CNGA3: variants seen among roughly 807,000 people sequenced by gnomAD.
The protein encoded by CNGA3 is cyclic nucleotide-gated channel alpha-3.
A neutral mutation model predicts 46.6 loss-of-function variants in CNGA3; 42 were observed. The ratio of observed to expected loss-of-function variants is 0.90; its 90% CI spans 0.70 to 1.17. The LOEUF is 1.17. CNGA3 is among the 50% of genes most tolerant of loss of function. CNGA3 has a pLI of 0.00. For synonymous variants in CNGA3, 394 were observed against 369.4 expected (o/e 1.07, Z -0.76); for missense variants, 893 against 890.7 (o/e 1.00, Z -0.03).
chr2:98,385,314 C>A (rs139214434), intron 5 of CNGA3, among the ~76,000 whole-genome samples: 2 of 152,346 alleles, frequency 1.3e-5, no homozygotes, highest in East Asian at 3.9e-4. Flanking sequence ...GGGTTCACAT[C>A]ACCCTGGAGG....
rs1158977487 is a variant in CNGA3 at position 98,353,101 on chromosome 2, A to G, written c.-38+6567A>G. Among the ~76,000 whole-genome samples, 3 of 152,326 alleles carry G rather than the reference A, an allele frequency of 2.0e-5. No homozygotes were observed. In the South Asian group the frequency reaches 6.2e-4, roughly 32 times the overall value. ...ATTACAGGCTGTATTCTTACAATAG[A>G]TTAAGCAAGAAAAAATGGGGTTTTT... On this transcript the variant is annotated intron_variant, in intron 1 of 7. Transcript: ENST00000272602.
intron 3 of CNGA3, among the ~76,000 whole-genome samples, chr2:98,379,597 C>T (rs1692492248): frequency 6.6e-6 from 1 of 152,184 alleles, no homozygotes; most frequent in Admixed American, 6.5e-5. Context: ...GCAAAGGAAC[C>T]TCCCAGGCCT....
Position 98,351,520 on chromosome 2 carries a change from T to C in CNGA3, c.-38+4986T>C, listed in dbSNP as rs533907741. Among the ~76,000 whole-genome samples the C allele has an allele frequency of 7.4e-4, 113 of 152,334 alleles. 1 individual carries two copies. The highest frequency in any genetic ancestry group is 3.4e-3 in the Middle Eastern group (1 of 294). On this transcript the variant is annotated intron_variant, in intron 1 of 7. Coordinates refer to ENST00000272602, the MANE Select transcript of CNGA3 (RefSeq NM_001298.3). ...CATGATTGTGAGGCCTCCCCAGCCA[T>C]GTGGAACTGTAAATCCATTAAACCT...
At chr2:98,392,759 G>T (rs1469088788) in intron 7 of CNGA3, among the ~76,000 whole-genome samples, 1 of 152,138 alleles carries the variant, frequency 6.6e-6, no homozygotes, top group Non-Finnish European at 1.5e-5. Flanking sequence ...GTGGCTTTCA[G>T]AGGACTTTTA....
chr2:98,366,751 T>C (rs1339000216), intron 1 of CNGA3, among the ~76,000 whole-genome samples: 2 of 152,122 alleles, frequency 1.3e-5, no homozygotes, highest in African/African-American at 4.8e-5. Context: ...CAGGGGAAAA[T>C]GGCAGACTGG....
intron 5 of CNGA3, among the ~76,000 whole-genome samples, chr2:98,386,882 C>T (rs887568192): frequency 3.3e-5 from 5 of 152,122 alleles, no homozygotes; most frequent in Admixed American, 2.0e-4. Context: ...CTGGATTCTG[C>T]GTAAGATCCA....
rs779152590 is a variant in CNGA3, at chr2:98,386,756, G to A, written c.450-2902G>A. Among the ~76,000 whole-genome samples, 4 of 152,170 alleles carry A rather than the reference G, an allele frequency of 2.6e-5. 1 individual carries two copies. Among genetic ancestry groups the A allele is most frequent in the Admixed American group, 6.5e-5 (1 of 15,280 alleles). Reference sequence around the variant, plus strand: ...GAGAGTCACAGTGTGAGGGGGACTCGACCCATCACTGCTGGCTTTGAAGAT... The same window carrying A: ...GAGAGTCACAGTGTGAGGGGGACTCAACCCATCACTGCTGGCTTTGAAGAT... On this transcript the variant is annotated intron_variant, in intron 5 of 7. Coordinates refer to ENST00000272602, the MANE Select transcript of CNGA3 (RefSeq NM_001298.3).
intron 5 of CNGA3, among the ~76,000 whole-genome samples, chr2:98,387,316 G>A (rs564459919): frequency 6.6e-6 from 1 of 152,258 alleles, no homozygotes; most frequent in African/African-American, 2.4e-5. Context: ...GGAAGTGTTA[G>A]GTAATTGTGA....
chr2:98,374,072 C>T (rs550269747), intron 2 of CNGA3, among the ~76,000 whole-genome samples: 1 of 152,334 alleles, frequency 6.6e-6, no homozygotes, highest in East Asian at 1.9e-4. Context: ...TATTCCCCAG[C>T]CTTGTGCTGA....
Position 98,383,423 on chromosome 2 carries a change from G to A in CNGA3, c.431G>A (p.Ser144Asn), listed in dbSNP as rs766641662. The A allele has an allele frequency of 3.7e-6, 6 of 1,614,102 alleles. 1 individual carries two copies. In the South Asian group the frequency reaches 5.5e-5, roughly 15 times the overall value. ...CTGGCCAAATGCAACACTAACACCAGCAACAACACGGAGGAGGAGTAAGTA... is the reference window on the plus strand; with the variant it reads ...CTGGCCAAATGCAACACTAACACCAACAACAACACGGAGGAGGAGTAAGTA... The part of the protein sequence containing the change: ...WPLAKCNTNT[S>N]NNTEEEKKTK... Residue 144 changes from serine (S) to asparagine (N), a missense_variant, in exon 5 of 8, where the codon AGC becomes AAC. Physicochemically the swap from Ser to Asn is conservative, Grantham distance 46. Transcript: ENST00000272602.
Position 98,354,085 on chromosome 2 carries a change from G to A in CNGA3, c.-38+7551G>A, listed in dbSNP as rs1028064391. 2.6e-5 allele frequency among the ~76,000 whole-genome samples: 4 copies of A among 152,138 alleles called. No homozygotes were observed. In the East Asian group the frequency reaches 5.8e-4, roughly 22 times the overall value. ...CATAGATCCAAACCATATCACCTAC[G>A]TACAACCTCCTGTGTACTGTACTTT... On this transcript the variant is annotated intron_variant, in intron 1 of 7. Coordinates refer to ENST00000272602, the MANE Select transcript of CNGA3 (RefSeq NM_001298.3).
At chr2:98,348,010 C>T (rs2106064375) in intron 1 of CNGA3, among the ~76,000 whole-genome samples, 1 of 152,314 alleles carries the variant, frequency 6.6e-6, no homozygotes, top group East Asian at 1.9e-4. Flanking sequence ...GTGGTATCCA[C>T]CAACTGGGTC....
At chr2:98,380,055 TGCCCCATC>T in intron 3 of CNGA3, 112 bp from the exon 4 acceptor site, 1 of 1,197,108 alleles carries the variant, frequency 8.4e-7, no homozygotes, top group Admixed American at 1.9e-5. Flanking sequence ...TCATTGCTTC[TGCCCCATC>T]CCTTGAGACA....
rs761112764 is a variant in CNGA3 at position 98,397,109 on chromosome 2, C to T, written c.1939C>T (p.Leu647Phe). The change falls in exon 8 of 8, where the codon CTC becomes TTC. Residue 647 changes from leucine to phenylalanine, a missense_variant. Transcript: ENST00000272602. The part of the protein sequence containing the change: ...LDTLQTRFAR[L>F]LAEYNATQMK... ...CACCCTGCAGACCAGGTTTGCACGC[C>T]TCCTGGCTGAGTACAACGCCACCCA... The T allele has an allele frequency of 1.4e-5, 22 of 1,614,046 alleles. No individual in the cohort carries two copies. Among genetic ancestry groups the T allele is most frequent in the Non-Finnish European group, 1.9e-5 (22 of 1,180,032 alleles).
intron 1 of CNGA3, chr2:98,347,222 C>T (rs1231775861): frequency 6.6e-6 from 1 of 152,082 alleles, no homozygotes; most frequent in Non-Finnish European, 1.5e-5. Flanking sequence ...TTTAGGAGTG[C>T]GCGGTTACTT....
At position 98,377,820 on chromosome 2, in the gene CNGA3, C is replaced by T. The variant is rs1486422666; in HGVS notation, c.215+20C>T. The T allele has an allele frequency of 2.5e-6, 4 of 1,597,938 alleles. No individual in the cohort carries two copies. The highest frequency in any genetic ancestry group is 1.3e-5 in the African/African-American group (1 of 74,766). On this transcript the variant is annotated intron_variant, in intron 3 of 7. Transcript: ENST00000272602. ...CGCCAGGTAACTGACCAGCCTCAGT[C>T]CCTACCTTGGCCTGGGGGACACTGT...
chr2:98,393,273 A>T (rs1692833199), intron 7 of CNGA3, among the ~76,000 whole-genome samples: 1 of 152,196 alleles, frequency 6.6e-6, no homozygotes, highest in Admixed American at 6.5e-5. Context: ...ATAGCTGTTG[A>T]TGTAAACACC....
intron 1 of CNGA3, among the ~76,000 whole-genome samples, chr2:98,359,058 G>A (rs957504485): frequency 6.6e-6 from 1 of 152,210 alleles, no homozygotes; most frequent in Non-Finnish European, 1.5e-5. Context: ...AGGAGTAGGG[G>A]TCTTGGAGAG....
At chr2:98,376,245 A>G (rs916799022) in intron 2 of CNGA3, among the ~76,000 whole-genome samples, 1 of 152,196 alleles carries the variant, frequency 6.6e-6, no homozygotes, top group Non-Finnish European at 1.5e-5. Flanking sequence ...ACACAAAGCA[A>G]TAAAGTCTTC....
Sources: gnomAD v4.1 joint callset for allele counts (sites outside exome capture counted in the v4.1 genomes callset) on GRCh38, gnomAD v4.1.1 for gene constraint, MANE v1.5 for transcripts, NCBI Gene and HGNC (gene_info 2026-07-23, HGNC 2026-07-21) for gene names.